Variants in HROB observed in about 807,000 individuals in gnomAD.
HROB encodes the protein homologous recombination factor with OB-fold.
HROB carries 44 observed loss-of-function variants against 61.0 expected under a neutral mutation model. The ratio of observed to expected loss-of-function variants is 0.72; its 90% CI spans 0.57 to 0.93. The LOEUF (loss-of-function observed/expected upper bound fraction) is 0.93. Ranked by LOEUF, HROB falls within the 40% of genes least tolerant of loss-of-function variation. The probability of loss-of-function intolerance (pLI) is 0.00; values close to 1 mark genes in which losing one functional copy is unlikely to be tolerated. For synonymous variants in HROB, 301 were observed against 310.4 expected (o/e 0.97, Z 0.32); for missense variants, 716 against 796.2 (o/e 0.90, Z 1.21).
At chr17:44,144,968 G>A (rs1017746987) in intron 1 of HROB, among the ~76,000 whole-genome samples, 3 of 151,656 alleles carry the variant, frequency 2.0e-5, no homozygotes, top group Non-Finnish European at 2.9e-5. Flanking sequence ...CACCTGCCTC[G>A]GCCTCCCAAA....
intron 2 of HROB, among the ~76,000 whole-genome samples, chr17:44,146,489 G>A (rs975113682): frequency 6.6e-6 from 1 of 152,162 alleles, no homozygotes; most frequent in African/African-American, 2.4e-5. Flanking sequence ...GGTCTTACAA[G>A]GTGATGATGG....
chr17:44,159,361 C>A (rs2054064056), intron 9 of HROB, among the ~76,000 whole-genome samples: 1 of 152,160 alleles, frequency 6.6e-6, no homozygotes, highest in East Asian at 1.9e-4. Flanking sequence ...AATATAGAGT[C>A]AAGAGCTGAA....
At position 44,162,045 on chromosome 17, in the gene HROB, G is replaced by GAGCAACCACAGAAGCCCCCC; in HGVS notation, c.*113_*114insAGCAACCACAGAAGCCCCCC. 8.1e-7 allele frequency: 1 copy of GAGCAACCACAGAAGCCCCCC among 1,240,106 alleles called. No individual in the cohort carries two copies. Among genetic ancestry groups the GAGCAACCACAGAAGCCCCCC allele is most frequent in the Non-Finnish European group, 1.1e-6 (1 of 874,386 alleles). 76.8% of individuals were successfully genotyped at this position (1,240,106 alleles called of 1,614,324 possible). A position where few individuals can be genotyped will look rare whatever the true frequency, so the allele number is the denominator to read the frequency against. ...TGATTGGAGAGTGGACACAGCCGGG[G>GAGCAACCACAGAAGCCCCCC]GGCTTCTGTGGTTGCTCCCACCCTG... On this transcript the variant is annotated 3_prime_UTR_variant, in exon 10 of 10. Transcript: ENST00000585683.
rs749144204 is a variant in HROB at position 44,154,599 on chromosome 17, C to T, written c.1493C>T (p.Ala498Val). The T allele has an allele frequency of 1.7e-5, 28 of 1,613,990 alleles. No homozygotes were observed. The highest frequency in any genetic ancestry group is 2.4e-5 in the Non-Finnish European group (28 of 1,180,026). The change falls in exon 6 of 10, where the codon GCG (alanine) becomes GTG (valine). Residue 498 changes from alanine (A) to valine (V), a missense_variant. Physicochemically the swap from Ala to Val is moderately conservative, Grantham distance 64. Coordinates refer to ENST00000585683, the MANE Select transcript of HROB (RefSeq NM_001171251.3). The part of the protein sequence containing the change: ...QLPRNKVPNM[A>V]VMIKSLTRST... ...CCTAGGAACAAGGTCCCCAACATGG[C>T]GGTGATGATCAAGTCCCTGACTCGG...
rs191726418 is a variant in HROB at position 44,160,481 on chromosome 17, T to C, written c.1880-1390T>C. On this transcript the variant is annotated intron_variant, in intron 9 of 9. Transcript: ENST00000585683. ...TACTCGGGAGGCTGAGGCAGAAGAA[T>C]GGCATGAACCTGGGAGGCGGAGCTT... 3.9e-5 allele frequency among the ~76,000 whole-genome samples: 6 copies of C among 152,206 alleles called. No homozygotes were observed. The East Asian group carries it at 1.2e-3, about 29-fold the overall frequency.
In HROB at chr17:44,142,256, G is replaced by T. The variant is rs1171604063; in HGVS notation, c.3+111G>T. 7 of 1,316,222 alleles carry T rather than the reference G, an allele frequency of 5.3e-6. No homozygotes were observed. The African/African-American group carries it at 7.8e-5, about 15-fold the overall frequency. The allele number at this position is 1,316,222 out of a possible 1,614,324, so 81.5% of individuals were successfully genotyped here. A position where few individuals can be genotyped will look rare whatever the true frequency, so the allele number is the denominator to read the frequency against. ...GCGCAAGTTGCAGGACCGGGGTCTG[G>T]GTGGGGGTTCGGCGGAGTCGGGAGA... is the stretch of plus-strand genomic sequence containing the variant. On this transcript the variant is annotated intron_variant, in intron 1 of 9. Coordinates refer to ENST00000585683, the MANE Select transcript of HROB (RefSeq NM_001171251.3).
intron 2 of HROB, among the ~76,000 whole-genome samples, chr17:44,146,919 A>G (rs970841987): frequency 9.2e-5 from 14 of 151,980 alleles, no homozygotes; most frequent in Admixed American, 2.0e-4. Flanking sequence ...TTGCTTCCCA[A>G]CTGGAATCCA....
chr17:44,156,122 A>G (rs115480520), intron 8 of HROB, among the ~76,000 whole-genome samples: 1,703 of 152,204 alleles, frequency 0.011, 29 homozygotes, highest in African/African-American at 0.039. Flanking sequence ...GTCATCTTAG[A>G]CAGAGGTTTT....
At chr17:44,155,187 G>T in intron 7 of HROB, 99 bp from the exon 8 acceptor site, 12 of 1,540,172 alleles carry the variant, frequency 7.8e-6, no homozygotes, top group Middle Eastern at 1.7e-4. Flanking sequence ...CCAAGGCTAG[G>T]CAGAGGACAC....
intron 4 of HROB, among the ~76,000 whole-genome samples, chr17:44,151,525 T>C (rs567607586): frequency 6.6e-6 from 1 of 152,328 alleles, no homozygotes; most frequent in South Asian, 2.1e-4. Context: ...TTCTCCCCAG[T>C]ATTTTTTCTC....
chr17:44,146,669 T>C (rs1225112771), intron 2 of HROB, among the ~76,000 whole-genome samples: 4 of 152,176 alleles, frequency 2.6e-5, no homozygotes, highest in Admixed American at 1.3e-4. Flanking sequence ...TCATCAGGAT[T>C]TTATTACTGC....
intron 9 of HROB, among the ~76,000 whole-genome samples, chr17:44,158,182 G>A (rs758664114): frequency 2.3e-4 from 35 of 152,176 alleles, no homozygotes; most frequent in Non-Finnish European, 2.1e-4. Context: ...TTCAGGTTAT[G>A]TGCCATCAGC....
intron 5 of HROB, 35 bp downstream of exon 5, chr17:44,152,812 A>C: frequency 6.2e-7 from 1 of 1,604,106 alleles, no homozygotes; most frequent in Non-Finnish European, 8.5e-7. Context: ...CAAAGGAAAG[A>C]CCATTTTTCT....
chr17:44,160,421 T>C (rs1229685589), intron 9 of HROB, among the ~76,000 whole-genome samples: 1 of 151,874 alleles, frequency 6.6e-6, no homozygotes, highest in Non-Finnish European at 1.5e-5. Context: ...CACAAAAAAT[T>C]AGCCAGGCGT....
intron 9 of HROB, 122 bp from the exon 10 acceptor site, chr17:44,161,749 G>C (rs1353173587): frequency 9.7e-7 from 1 of 1,035,924 alleles, no homozygotes; most frequent in Non-Finnish European, 1.5e-6. Flanking sequence ...ACTGCCTGGA[G>C]GAGCCGCCTG....
At chr17:44,161,773 C>A in intron 9 of HROB, 98 bp from the exon 10 acceptor site, 3 of 1,338,430 alleles carry the variant, frequency 2.2e-6, no homozygotes, top group Non-Finnish European at 3.2e-6. Flanking sequence ...AGCTATACAG[C>A]CAGGTCCAGG....
At chr17:44,152,350 A>T (rs1288898291) in intron 4 of HROB, among the ~76,000 whole-genome samples, 1 of 151,062 alleles carries the variant, frequency 6.6e-6, no homozygotes, top group Non-Finnish European at 1.5e-5. Flanking sequence ...TTTAAAAAGA[A>T]AAAAAAAGAG....
At position 44,141,981 on chromosome 17, in the gene HROB, C is replaced by A. The variant is rs1304316171; in HGVS notation, c.-162C>A. On this transcript the variant is annotated 5_prime_UTR_variant, in exon 1 of 10. Coordinates refer to ENST00000585683, the MANE Select transcript of HROB (RefSeq NM_001171251.3). ...AAGGCGCCTGCCGCCAGTCTCCTGG[C>A]GACTTTCCCTATATCGCAGAGACTC... The A allele has an allele frequency of 7.8e-6, 8 of 1,022,528 alleles. No individual in the cohort carries two copies. The highest frequency in any genetic ancestry group is 1.1e-5 in the Non-Finnish European group (8 of 732,514). The allele number at this position is 1,022,528 out of a possible 1,614,324, so 63.3% of individuals were successfully genotyped here. A position where few individuals can be genotyped will look rare whatever the true frequency, so the allele number is the denominator to read the frequency against.
At chr17:44,156,092 G>A (rs745472821) in intron 8 of HROB, among the ~76,000 whole-genome samples, 3 of 152,058 alleles carry the variant, frequency 2.0e-5, no homozygotes, top group African/African-American at 4.8e-5. Flanking sequence ...TCTATAGTAC[G>A]TTTGACTTGA....
Sources: gnomAD v4.1 joint callset for allele counts (sites outside exome capture counted in the v4.1 genomes callset) on GRCh38, gnomAD v4.1.1 for gene constraint, MANE v1.5 for transcripts, NCBI Gene and HGNC (gene_info 2026-07-23, HGNC 2026-07-21) for gene names.